The following CCSER1 variants were observed in gnomAD, a reference collection of about 807,000 sequenced individuals.
The protein encoded by CCSER1 is serine-rich coiled-coil domain-containing protein 1.
In CCSER1, 41 loss-of-function variants were observed where a neutral mutation model predicts 82.0. That is an observed-to-expected ratio of 0.50 (90% CI 0.39 to 0.65). The LOEUF (loss-of-function observed/expected upper bound fraction) is 0.65. Ranked by LOEUF, CCSER1 falls within the 30% of genes least tolerant of loss-of-function variation. CCSER1 has a pLI of 0.00. For synonymous variants in CCSER1, 414 were observed against 383.9 expected, an observed-to-expected ratio of 1.08 and a Z score of -0.92; for missense variants, 1,119 against 1,064.2, an observed-to-expected ratio of 1.05 and a Z score of -0.72.
chr4:91,397,095 C>A (rs879705415), intron 10 of CCSER1, among the ~76,000 whole-genome samples: 1 of 152,058 alleles, frequency 6.6e-6, no homozygotes, highest in Non-Finnish European at 1.5e-5. Context: ...CAAGCACTAT[C>A]ATTTCAAATT....
intron 5 of CCSER1, among the ~76,000 whole-genome samples, chr4:90,489,514 T>C (rs996448084): frequency 2.0e-5 from 3 of 152,142 alleles, no homozygotes; most frequent in African/African-American, 7.2e-5. Flanking sequence ...ACTTCTAAAT[T>C]CTTTTTTTAA....
intron 1 of CCSER1, among the ~76,000 whole-genome samples, chr4:90,190,398 C>CA (rs1223931105): frequency 6.6e-6 from 1 of 152,142 alleles, no homozygotes; most frequent in African/African-American, 2.4e-5. Context: ...AAATTATCCA[C>CA]AAAAAACTGG....
At chr4:91,007,125 CTTG>C (rs1738586605) in intron 9 of CCSER1, among the ~76,000 whole-genome samples, 1 of 152,098 alleles carries the variant, frequency 6.6e-6, no homozygotes, top group African/African-American at 2.4e-5. Flanking sequence ...GTAAGTCCCA[CTTG>C]TTGTGGGACT....
Position 91,601,147 on chromosome 4 carries a change from T to C in CCSER1, c.*2090T>C, listed in dbSNP as rs920687559. 5.3e-5 allele frequency: 8 copies of C among 152,128 alleles called. No homozygotes were observed. The highest frequency in any genetic ancestry group is 4.4e-5 in the Non-Finnish European group (3 of 67,982). 9.4% of individuals were successfully genotyped at this position (152,128 alleles called of 1,614,324 possible). On this transcript the variant is annotated 3_prime_UTR_variant, in exon 11 of 11. Transcript: ENST00000509176. Reference sequence around the variant, plus strand: ...AAATAATGTTTTTGATTTGGACTTTTGGAGTTGATAGTTTTGTTTTCCTGG... The same window carrying C: ...AAATAATGTTTTTGATTTGGACTTTCGGAGTTGATAGTTTTGTTTTCCTGG...
At chr4:91,578,021 T>C (rs897375513) in intron 10 of CCSER1, among the ~76,000 whole-genome samples, 12 of 151,964 alleles carry the variant, frequency 7.9e-5, no homozygotes, top group African/African-American at 2.9e-4. Flanking sequence ...CTTTAAAAGA[T>C]TGAGGCTCCC....
intron 7 of CCSER1, among the ~76,000 whole-genome samples, chr4:90,771,314 T>C (rs1752123080): frequency 6.6e-6 from 1 of 151,812 alleles, no homozygotes; most frequent in African/African-American, 2.4e-5. Flanking sequence ...GTTAGTTTGA[T>C]TTATTGGATT....
At chr4:91,389,333 A>G (rs901395930) in intron 10 of CCSER1, among the ~76,000 whole-genome samples, 4 of 152,112 alleles carry the variant, frequency 2.6e-5, no homozygotes, top group East Asian at 1.9e-4. Context: ...TGAAAAGACT[A>G]TCTTTGTTCC....
intron 10 of CCSER1, among the ~76,000 whole-genome samples, chr4:91,270,957 T>C (rs1389673633): frequency 1.3e-5 from 2 of 152,168 alleles, no homozygotes; most frequent in East Asian, 3.9e-4. Flanking sequence ...AGCCCAGAAG[T>C]GCAGGAGTTC....
chr4:90,639,982 A>G (rs766348785), intron 6 of CCSER1, among the ~76,000 whole-genome samples: 3 of 152,106 alleles, frequency 2.0e-5, no homozygotes, highest in Non-Finnish European at 2.9e-5. Context: ...AAATCAAGAG[A>G]AAGAGTGTCC....
At chr4:91,214,993 A>G (rs1353687116) in intron 10 of CCSER1, among the ~76,000 whole-genome samples, 1 of 152,058 alleles carries the variant, frequency 6.6e-6, no homozygotes, top group African/African-American at 2.4e-5. Context: ...CAGAAAATGA[A>G]TATTGATTTA....
intron 8 of CCSER1, among the ~76,000 whole-genome samples, chr4:90,887,811 G>A (rs1722366517): frequency 6.6e-6 from 1 of 152,104 alleles, no homozygotes; most frequent in Non-Finnish European, 1.5e-5. Context: ...GAATCCGGGA[G>A]GCAGAGGTTG....
chr4:91,261,926 A>C (rs1346325603), intron 10 of CCSER1, among the ~76,000 whole-genome samples: 2 of 152,178 alleles, frequency 1.3e-5, no homozygotes, highest in African/African-American at 4.8e-5. Flanking sequence ...CTAGTAGTAA[A>C]CAGCCTGAAT....
intron 10 of CCSER1, among the ~76,000 whole-genome samples, chr4:91,412,051 A>G (rs1473116241): frequency 6.6e-6 from 1 of 152,218 alleles, no homozygotes; most frequent in African/African-American, 2.4e-5. Context: ...AGCCATCTGT[A>G]GGAAAAGAAA....
At chr4:90,315,793 G>A (rs1736064867) in intron 3 of CCSER1, among the ~76,000 whole-genome samples, 1 of 152,136 alleles carries the variant, frequency 6.6e-6, no homozygotes, top group Admixed American at 6.5e-5. Context: ...GTGAGTCACC[G>A]CACCTGAGCA....
intron 10 of CCSER1, among the ~76,000 whole-genome samples, chr4:91,322,903 G>C (rs1480263441): frequency 2.6e-5 from 4 of 152,128 alleles, no homozygotes; most frequent in Admixed American, 6.6e-5. Flanking sequence ...AGTAGAAATA[G>C]AGATAAAGAT....
chr4:90,468,454 AAG>A (rs1763919498), intron 5 of CCSER1, 100 bp downstream of exon 5: 16 of 1,056,918 alleles, frequency 1.5e-5, no homozygotes, highest in Non-Finnish European at 2.1e-5. Flanking sequence ...AGTATAAAGA[AAG>A]AAGAAATAAA....
intron 5 of CCSER1, among the ~76,000 whole-genome samples, chr4:90,472,237 C>G (rs1394419544): frequency 6.6e-6 from 1 of 151,938 alleles, no homozygotes; most frequent in Admixed American, 6.6e-5. Context: ...ATAGTCATCT[C>G]AGAATATGTA....
intron 10 of CCSER1, among the ~76,000 whole-genome samples, chr4:91,352,127 A>G (rs2149301156): frequency 6.6e-6 from 1 of 152,386 alleles, no homozygotes; most frequent in Admixed American, 6.5e-5. Flanking sequence ...TGTATGATTC[A>G]ATAATAGCTA....
intron 8 of CCSER1, among the ~76,000 whole-genome samples, chr4:90,844,733 C>G (rs1367007129): frequency 6.6e-6 from 1 of 152,024 alleles, no homozygotes; most frequent in Non-Finnish European, 1.5e-5. Context: ...ATACATGATA[C>G]TATCTAATTA....
Sources: allele counts gnomAD v4.1 joint callset (sites outside exome capture counted in the v4.1 genomes callset), GRCh38; gene constraint gnomAD v4.1.1; transcripts MANE v1.5; gene names NCBI Gene and HGNC (gene_info 2026-07-23, HGNC 2026-07-21).